Variants in TBL1X observed in about 807,000 individuals in gnomAD.
TBL1X encodes the protein F-box-like/WD repeat-containing protein TBL1X.
TBL1X carries 10 observed loss-of-function variants against 50.7 expected under a neutral mutation model. That is an observed-to-expected ratio of 0.20 (90% CI 0.12 to 0.33). The LOEUF (loss-of-function observed/expected upper bound fraction) is 0.33. TBL1X is among the 10% of genes least tolerant of loss of function. The pLI is 1.00. For synonymous variants in TBL1X, 190 were observed against 214.7 expected (o/e 0.88, Z 1.01); for missense variants, 340 against 504.4 (o/e 0.67, Z 3.12).
At chrX:9,607,438 G>T (rs1033366174) in intron 2 of TBL1X, among the ~76,000 whole-genome samples, 2 of 113,312 alleles carry the variant, frequency 1.8e-5, no homozygotes, top group East Asian at 5.5e-4. Context: ...CACTTGCATC[G>T]CCTGGAAACA....
At chrX:9,606,042 T>A (rs1293832098) in intron 2 of TBL1X, among the ~76,000 whole-genome samples, 1 of 112,097 alleles carries the variant, frequency 8.9e-6, no homozygotes, top group African/African-American at 3.2e-5. Flanking sequence ...AACCAGGTGG[T>A]TCTGGCTCAG....
chrX:9,687,918 G>C, intron 6 of TBL1X, 99 bp from the exon 7 acceptor site: 1 of 1,118,682 alleles, frequency 8.9e-7, no homozygotes. Flanking sequence ...AGCTGTTTAC[G>C]CCCCACTTCC....
At chrX:9,568,728 G>C (rs182315563) in intron 2 of TBL1X, among the ~76,000 whole-genome samples, 1 of 107,649 alleles carries the variant, frequency 9.3e-6, no homozygotes. Context: ...AGTGTGCTGT[G>C]TGTGTGTCTG....
intron 12 of TBL1X, among the ~76,000 whole-genome samples, chrX:9,699,429 C>T (rs1376795721): frequency 8.9e-6 from 1 of 111,855 alleles, no homozygotes; most frequent in East Asian, 2.8e-4. Flanking sequence ...ATGTCTGATC[C>T]GTCTTGAAGG....
intron 2 of TBL1X, among the ~76,000 whole-genome samples, chrX:9,621,939 T>C (rs1304039030): frequency 8.9e-6 from 1 of 111,931 alleles, no homozygotes; most frequent in Non-Finnish European, 1.9e-5. Context: ...TATATCAGAA[T>C]GACATTTTTG....
intron 9 of TBL1X, among the ~76,000 whole-genome samples, chrX:9,692,481 C>G (rs1569101076): frequency 8.9e-6 from 1 of 112,217 alleles, no homozygotes; most frequent in Non-Finnish European, 1.9e-5. Flanking sequence ...GATCTCAGCT[C>G]ACTGCAACTT....
chrX:9,563,258 C>T (rs1190891572), intron 2 of TBL1X, among the ~76,000 whole-genome samples: 3 of 112,667 alleles, frequency 2.7e-5, no homozygotes. Flanking sequence ...TCAGCAGCTC[C>T]CCTAAGGGGA....
At chrX:9,709,087 AAG>A (rs2083228148) in intron 13 of TBL1X, among the ~76,000 whole-genome samples, 159 bp from the exon 14 acceptor site, 1 of 111,438 alleles carries the variant, frequency 9.0e-6, no homozygotes, top group African/African-American at 3.3e-5. Context: ...AAGTGAGAAA[AAG>A]AGGAAACTAG....
chrX:9,638,324 G>T (rs2082758540), intron 2 of TBL1X, among the ~76,000 whole-genome samples: 1 of 112,529 alleles, frequency 8.9e-6, no homozygotes, highest in African/African-American at 3.2e-5. Flanking sequence ...TTGGCAATAT[G>T]TAAACTTTCT....
At chrX:9,491,315 T>TAC (rs2081940774) in intron 1 of TBL1X, among the ~76,000 whole-genome samples, 2 of 31,246 alleles carry the variant, frequency 6.4e-5, no homozygotes, top group Non-Finnish European at 1.2e-4. Context: ...TTTATATATA[T>TAC]ATATATATAT....
intron 2 of TBL1X, among the ~76,000 whole-genome samples, chrX:9,518,557 T>A (rs961537916): frequency 2.7e-5 from 3 of 111,856 alleles, no homozygotes; most frequent in African/African-American, 9.8e-5. Context: ...ACCTCAGGAT[T>A]GGAAGGGATT....
intron 2 of TBL1X, among the ~76,000 whole-genome samples, chrX:9,559,161 A>G (rs1041877481): frequency 2.7e-5 from 3 of 112,112 alleles, no homozygotes; most frequent in Non-Finnish European, 5.6e-5. Context: ...TTCCCTTCCA[A>G]GTGATTTCAG....
intron 7 of TBL1X, among the ~76,000 whole-genome samples, chrX:9,690,528 C>T (rs775407269): frequency 4.5e-5 from 5 of 111,823 alleles, no homozygotes; most frequent in Admixed American, 1.9e-4. Context: ...TTTTACCCTG[C>T]TCACCTTTTC....
intron 2 of TBL1X, among the ~76,000 whole-genome samples, chrX:9,584,183 T>C (rs953646159): frequency 1.8e-5 from 2 of 112,035 alleles, no homozygotes; most frequent in African/African-American, 6.5e-5. Context: ...GCAAAAGATA[T>C]CTGACCTAGA....
chrX:9,491,338 A>ATATATATATT (rs1328551249), intron 1 of TBL1X, among the ~76,000 whole-genome samples: 8 of 31,306 alleles, frequency 2.6e-4, no homozygotes, highest in African/African-American at 8.2e-4. Context: ...ATATATATAT[A>ATATATATATT]TTTTTTTTTT....
chrX:9,709,695 C>T lies in TBL1X; in HGVS notation c.1374C>T (p.Tyr458=), dbSNP rs142958184. The T allele has an allele frequency of 1.7e-4, 210 of 1,207,792 alleles. No individual in the cohort carries two copies. The highest frequency in any genetic ancestry group is 2.2e-4 in the Non-Finnish European group (198 of 893,885). ...HDLQAHNKEI[Y]TIKWSPTGPA... is the part of the protein sequence containing the mutation. Reference sequence around the variant, plus strand: ...TTCAGGCTCACAATAAAGAGATCTACACCATCAAGTGGAGCCCCACTGGGC... The same window carrying T: ...TTCAGGCTCACAATAAAGAGATCTATACCATCAAGTGGAGCCCCACTGGGC... The change falls in exon 15 of 18, where the codon TAC becomes TAT. Residue 458 remains tyrosine (Y), a synonymous_variant. Coordinates refer to ENST00000645353, the MANE Select transcript of TBL1X (RefSeq NM_005647.4).
chrX:9,469,825 GT>G (rs1260143016), intron 1 of TBL1X, among the ~76,000 whole-genome samples: 1 of 112,116 alleles, frequency 8.9e-6, no homozygotes, highest in Non-Finnish European at 1.9e-5. Flanking sequence ...TGCTCTGGAA[GT>G]CTTGGGGATC....
intron 5 of TBL1X, among the ~76,000 whole-genome samples, chrX:9,680,642 G>A (rs1037633983): frequency 9.0e-6 from 1 of 111,332 alleles, no homozygotes; most frequent in East Asian, 2.8e-4. Context: ...CAAGCAAATG[G>A]ACTGAAAAAC....
intron 7 of TBL1X, among the ~76,000 whole-genome samples, chrX:9,690,314 C>A (rs2083089014): frequency 8.9e-6 from 1 of 112,293 alleles, no homozygotes; most frequent in Non-Finnish European, 1.9e-5. Flanking sequence ...TAAGAATTTG[C>A]TCTCACAGTT....
Sources: allele counts gnomAD v4.1 joint callset (sites outside exome capture counted in the v4.1 genomes callset), GRCh38; gene constraint gnomAD v4.1.1; transcripts MANE v1.5; gene names NCBI Gene and HGNC (gene_info 2026-07-23, HGNC 2026-07-21).